Variants in PCBP3 observed in about 807,000 individuals in gnomAD.
PCBP3 encodes poly(rC) binding protein 3, also known as poly(rC)-binding protein 3.
A neutral mutation model predicts 52.7 loss-of-function variants in PCBP3; 25 were observed. The observed-to-expected ratio is 0.47, with a 90% CI of 0.35 to 0.66. The LOEUF is 0.66. Among genes scored for constraint, PCBP3 ranks in the 30% least tolerant of loss-of-function variants. The pLI, the probability that PCBP3 is intolerant of heterozygous loss-of-function variation, is 0.01. For synonymous variants in PCBP3, 162 were observed against 183.0 expected (o/e 0.89, Z 0.93); for missense variants, 391 against 490.3 (o/e 0.80, Z 1.91).
At chr21:45,790,723 G>A (rs2091482362) in intron 4 of PCBP3, among the ~76,000 whole-genome samples, 1 of 152,118 alleles carries the variant, frequency 6.6e-6, no homozygotes, top group Non-Finnish European at 1.5e-5. Context: ...TCTCAATCCT[G>A]TGGACAGGTG....
chr21:45,840,606 C>G (rs548402703), intron 4 of PCBP3, among the ~76,000 whole-genome samples: 38 of 152,282 alleles, frequency 2.5e-4, no homozygotes, highest in African/African-American at 9.1e-4. Flanking sequence ...TTACTCACCA[C>G]TCACTCATGG....
chr21:45,731,474 G>A (rs2085451023), intron 2 of PCBP3, among the ~76,000 whole-genome samples: 2 of 152,188 alleles, frequency 1.3e-5, no homozygotes, highest in Non-Finnish European at 1.5e-5. Context: ...GGAGTTTTTA[G>A]TGTGGTAATG....
intron 1 of PCBP3, among the ~76,000 whole-genome samples, chr21:45,661,280 G>T (rs938248878): frequency 6.6e-6 from 1 of 151,982 alleles, no homozygotes. Context: ...TAACCATTAG[G>T]TAATTTCTCA....
Position 45,750,408 on chromosome 21 carries a change from C to A in PCBP3, c.-161-5009C>A, listed in dbSNP as rs970000897. On this transcript the variant is annotated intron_variant, in intron 3 of 17. Transcript: ENST00000681687. The stretch of plus-strand genomic sequence containing the variant: ...TGCTGGGAGCAGACCCCCCCCCCCC[C>A]CCCTTCTTCCTGGACTCCTGTGTCT... 8 of 123,220 alleles carry A rather than the reference C, an allele frequency of 6.5e-5. No homozygotes were observed. In the East Asian group the frequency reaches 8.2e-4, roughly 13 times the overall value. 7.6% of individuals were successfully genotyped at this position (123,220 alleles called of 1,614,324 possible). A position where few individuals can be genotyped will look rare whatever the true frequency, so the allele number is the denominator to read the frequency against.
At chr21:45,809,633 C>A (rs1246580428) in intron 4 of PCBP3, among the ~76,000 whole-genome samples, 3 of 152,340 alleles carry the variant, frequency 2.0e-5, no homozygotes, top group East Asian at 1.9e-4. Context: ...CCGCTTCCCC[C>A]CTGCCGCTGC....
At chr21:45,886,117 G>A (rs1569437654) in intron 5 of PCBP3, among the ~76,000 whole-genome samples, 1 of 86,546 alleles carries the variant, frequency 1.2e-5, no homozygotes, top group Non-Finnish European at 3.0e-5. Context: ...AGGCCTCATT[G>A]CCGCTGGTAC....
In PCBP3 at chr21:45,821,366, T is replaced by C. The variant is rs2093130844; in HGVS notation, c.-125-28595T>C. ...CCTCAACTGAGGTCCAGTACCCCCC[T>C]GCACCACGCTGTGGGCCCCGCACCC... On this transcript the variant is annotated intron_variant, in intron 4 of 17. Coordinates refer to ENST00000681687, the MANE Select transcript of PCBP3 (RefSeq NM_001384156.1). This position sits in a 1 kb window ranked among gnomAD's most constrained non-coding sequence, Gnocchi z 4.4. Among the ~76,000 whole-genome samples, 1 of 151,260 alleles carries C rather than the reference T, an allele frequency of 6.6e-6. No individual in the cohort carries two copies. The highest frequency in any genetic ancestry group is 2.4e-5 in the African/African-American group (1 of 41,110).
In PCBP3 at chr21:45,917,377, C is replaced by CACA; in HGVS notation, c.676-211_676-210insACA. The CACA allele has an allele frequency of 2.0e-6, 1 of 487,820 alleles. No homozygotes were observed. The allele number at this position is 487,820 out of a possible 1,614,324, so 30.2% of individuals were successfully genotyped here. A position where few individuals can be genotyped will look rare whatever the true frequency, so the allele number is the denominator to read the frequency against. On this transcript the variant is annotated intron_variant, in intron 12 of 17. Transcript: ENST00000681687. The surrounding 1 kb of genome is among the most constrained non-coding windows in gnomAD (Gnocchi z 5.3). ...CCACCCGCTGAACTGGCCAGCTCAG[C>CACA]TCTGCCCGCCCAGAGGAAGTGGGTG...
intron 2 of PCBP3, chr21:45,728,891 G>C (rs1281168698): frequency 1.3e-5 from 2 of 151,968 alleles, no homozygotes; most frequent in Non-Finnish European, 2.9e-5. Context: ...TATTTATTGA[G>C]GTGAAATTCA....
intron 4 of PCBP3, among the ~76,000 whole-genome samples, chr21:45,756,161 T>C (rs1315034654): frequency 1.3e-5 from 2 of 152,230 alleles, no homozygotes; most frequent in East Asian, 3.8e-4. Flanking sequence ...CCCCCAGGGA[T>C]GTACATTTCT....
chr21:45,927,269 AC>A (rs913272924), intron 13 of PCBP3, among the ~76,000 whole-genome samples: 4 of 19,534 alleles, frequency 2.0e-4, no homozygotes, highest in Admixed American at 6.7e-4. Flanking sequence ...CCATCCTCCT[AC>A]CCTCCTCTCC....
At chr21:45,644,364 G>T (rs911745199) in intron 1 of PCBP3, among the ~76,000 whole-genome samples, 3 of 151,830 alleles carry the variant, frequency 2.0e-5, no homozygotes, top group Non-Finnish European at 4.4e-5. Flanking sequence ...GTGACCCTGC[G>T]GAGAGCCGCG....
intron 2 of PCBP3, among the ~76,000 whole-genome samples, chr21:45,712,453 G>A (rs2083901100): frequency 6.6e-6 from 1 of 152,198 alleles, no homozygotes; most frequent in African/African-American, 2.4e-5. Flanking sequence ...TAACAGGTGT[G>A]AGGTAGTATC....
chr21:45,734,266 T>C (rs1467189615), intron 2 of PCBP3, among the ~76,000 whole-genome samples: 1 of 152,154 alleles, frequency 6.6e-6, no homozygotes, highest in Non-Finnish European at 1.5e-5. Flanking sequence ...CCCAGATCTG[T>C]GTGAGCCATA....
At chr21:45,730,976 C>T (rs2085411071) in intron 2 of PCBP3, among the ~76,000 whole-genome samples, 1 of 151,866 alleles carries the variant, frequency 6.6e-6, no homozygotes, top group African/African-American at 2.4e-5. Context: ...TTTATCAAGT[C>T]TTAAAAGGTA....
intron 4 of PCBP3, among the ~76,000 whole-genome samples, chr21:45,847,413 CTT>C (rs1330950889): frequency 6.6e-6 from 1 of 152,226 alleles, no homozygotes; most frequent in Non-Finnish European, 1.5e-5. Context: ...CTCACTTTCT[CTT>C]TTAGTCTGTG....
intron 4 of PCBP3, chr21:45,760,584 A>C (rs568915629): frequency 6.6e-6 from 1 of 152,344 alleles, no homozygotes. Context: ...GCGTGGGTAG[A>C]GTGTGGGGAC....
chr21:45,924,319 G>C (rs569771843), intron 13 of PCBP3, among the ~76,000 whole-genome samples: 4 of 140,224 alleles, frequency 2.9e-5, no homozygotes, highest in Admixed American at 2.1e-4. Flanking sequence ...CGCGTGGGTA[G>C]AAACAGCACA....
At chr21:45,790,562 A>G (rs936287911) in intron 4 of PCBP3, among the ~76,000 whole-genome samples, 5 of 151,998 alleles carry the variant, frequency 3.3e-5, no homozygotes, top group Non-Finnish European at 7.4e-5. Flanking sequence ...CTGTGGAGAG[A>G]AGAGGAGCAA....
Sources: allele counts gnomAD v4.1 joint callset (sites outside exome capture counted in the v4.1 genomes callset), GRCh38; gene constraint gnomAD v4.1.1; non-coding constraint Gnocchi (gnomAD v3.1); transcripts MANE v1.5; gene names NCBI Gene and HGNC (gene_info 2026-07-23, HGNC 2026-07-21).